GTF2A2: variants seen among roughly 807,000 people sequenced by gnomAD.
The protein encoded by GTF2A2 is transcription initiation factor IIA subunit 2.
A neutral mutation model predicts 14.3 loss-of-function variants in GTF2A2; 9 were observed. The ratio of observed to expected loss-of-function variants is 0.63; its 90% confidence interval spans 0.38 to 1.10. GTF2A2 has a LOEUF of 1.10. Ranked by LOEUF, GTF2A2 falls within the 50% of genes least tolerant of loss-of-function variation. The pLI, the probability that GTF2A2 is intolerant of heterozygous loss-of-function variation, is 0.01. For missense variants in GTF2A2, 90 were observed against 124.6 expected, an observed-to-expected ratio of 0.72 and a Z score of 1.32; for synonymous variants, 56 against 46.0, an observed-to-expected ratio of 1.22 and a Z score of -0.88.
intron 3 of GTF2A2, among the ~76,000 whole-genome samples, chr15:59,643,282 G>T (rs964218363): frequency 1.3e-5 from 2 of 151,532 alleles, no homozygotes; most frequent in Non-Finnish European, 2.9e-5. Flanking sequence ...GTTTCACCAC[G>T]TTAGCCAGGC....
chr15:59,645,804 G>A (rs373874715), intron 3 of GTF2A2, among the ~76,000 whole-genome samples: 16 of 152,118 alleles, frequency 1.1e-4, no homozygotes, highest in African/African-American at 3.1e-4. Flanking sequence ...GGGATGCTGA[G>A]GTGGGAGGGT....
At chr15:59,642,590 G>A (rs1891467219) in intron 3 of GTF2A2, among the ~76,000 whole-genome samples, 1 of 152,088 alleles carries the variant, frequency 6.6e-6, no homozygotes, top group Non-Finnish European at 1.5e-5. Flanking sequence ...TCAAATTATG[G>A]AAATATTTGT....
intron 3 of GTF2A2, among the ~76,000 whole-genome samples, chr15:59,648,948 AAAAC>A (rs1236825848): frequency 1.3e-5 from 2 of 152,116 alleles, no homozygotes; most frequent in African/African-American, 4.8e-5. Flanking sequence ...AACAAAAACA[AAAAC>A]AAACAAAAAA....
Position 59,642,032 on chromosome 15 carries a change from A to T in GTF2A2, c.304+104T>A, listed in dbSNP as rs1421423417. The T allele has an allele frequency of 3.3e-6, 3 of 920,702 alleles. No individual in the cohort carries two copies. The Admixed American group carries it at 7.8e-5, about 24-fold the overall frequency. 57.0% of individuals were successfully genotyped at this position (920,702 alleles called of 1,614,324 possible). On this transcript the variant is annotated intron_variant, in intron 4 of 4. Transcript: ENST00000396060. The stretch of plus-strand genomic sequence containing the variant: ...CTGGGCTTATCTGGGAATTGATCAT[A>T]GGGCCATTTTACCCGTTAGGCTTTT...
chr15:59,642,046 C>T (rs148247017), intron 4 of GTF2A2, 90 bp downstream of exon 4: 15 of 1,160,330 alleles, frequency 1.3e-5, no homozygotes, highest in Middle Eastern at 3.0e-4. Context: ...CCATTTTACC[C>T]GTTAGGCTTT....
chr15:59,656,574 C>T (rs1233177639), intron 1 of GTF2A2, among the ~76,000 whole-genome samples: 1 of 151,748 alleles, frequency 6.6e-6, no homozygotes, highest in South Asian at 2.1e-4. Flanking sequence ...GTACCTGGCA[C>T]ACAATAGGAG....
intron 4 of GTF2A2, among the ~76,000 whole-genome samples, chr15:59,640,713 T>C (rs2141955298): frequency 6.6e-6 from 1 of 152,106 alleles, no homozygotes; most frequent in East Asian, 1.9e-4. Context: ...TACAGACTAA[T>C]AAAAATAAAT....
At chr15:59,650,259 C>A (rs776854538) in intron 3 of GTF2A2, among the ~76,000 whole-genome samples, 1 of 152,146 alleles carries the variant, frequency 6.6e-6, no homozygotes, top group Non-Finnish European at 1.5e-5. Flanking sequence ...AGGGAGGCAA[C>A]ATGAAGTTTC....
chr15:59,652,019 G>C (rs1201739522), intron 2 of GTF2A2, 187 bp downstream of exon 2: 1 of 500,854 alleles, frequency 2.0e-6, no homozygotes, highest in Non-Finnish European at 3.5e-6. Context: ...ATTCAATCAT[G>C]TTTTGTGTCC....
chr15:59,639,495 C>T (rs897558400), intron 4 of GTF2A2, among the ~76,000 whole-genome samples: 3 of 142,060 alleles, frequency 2.1e-5, no homozygotes, highest in East Asian at 4.0e-4. Context: ...TGGAGTCTAG[C>T]TGTTGCCCAG....
intron 3 of GTF2A2, among the ~76,000 whole-genome samples, chr15:59,644,548 T>A (rs550160228): frequency 1.1e-4 from 16 of 152,282 alleles, no homozygotes; most frequent in Middle Eastern, 3.4e-3. Flanking sequence ...TGAGCTGAGT[T>A]TAGCAGGGAG....
In GTF2A2 at chr15:59,638,667, G is replaced by A. The variant is rs1292305950; in HGVS notation, c.*465C>T. ...TTTGGTTTTGTATTTTAAAAAGCAAGGGATTTTCTTAAAAAATTCCATCCA... is the reference window on the plus strand; with the variant it reads ...TTTGGTTTTGTATTTTAAAAAGCAAAGGATTTTCTTAAAAAATTCCATCCA... On this transcript the variant is annotated 3_prime_UTR_variant, in exon 5 of 5. Coordinates refer to ENST00000396060, the MANE Select transcript of GTF2A2 (RefSeq NM_004492.3). The A allele has an allele frequency of 6.6e-6, 1 of 152,342 alleles. No individual in the cohort carries two copies. Among genetic ancestry groups the A allele is most frequent in the African/African-American group, 2.4e-5 (1 of 41,414 alleles). 9.4% of individuals were successfully genotyped at this position (152,342 alleles called of 1,614,324 possible). A position where few individuals can be genotyped will look rare whatever the true frequency, so the allele number is the denominator to read the frequency against.
chr15:59,646,782 G>A (rs1262376825), intron 3 of GTF2A2, among the ~76,000 whole-genome samples: 3 of 152,074 alleles, frequency 2.0e-5, no homozygotes, highest in Admixed American at 6.6e-5. Context: ...CATTAGCTAC[G>A]TAACTTCTGA....
At chr15:59,640,415 G>T (rs1408238283) in intron 4 of GTF2A2, among the ~76,000 whole-genome samples, 1 of 152,084 alleles carries the variant, frequency 6.6e-6, no homozygotes, top group African/African-American at 2.4e-5. Context: ...TGGTTCAAAT[G>T]TATGGTTCAA....
intron 3 of GTF2A2, among the ~76,000 whole-genome samples, chr15:59,643,087 T>G (rs1342299088): frequency 7.0e-6 from 1 of 142,632 alleles, no homozygotes; most frequent in Non-Finnish European, 1.5e-5. Context: ...TTTTTTTTTT[T>G]TTTTTTTTTT....
At position 59,650,255 on chromosome 15, in the gene GTF2A2, G is replaced by A. The variant is rs182519997; in HGVS notation, c.177+414C>T. The stretch of plus-strand genomic sequence containing the variant: ...CAAGTTACCTAAGAGTCGGAGGGAG[G>A]CAACATGAAGTTTCTAGAAATAACT... On this transcript the variant is annotated intron_variant, in intron 3 of 4. Transcript: ENST00000396060. 6.6e-5 allele frequency among the ~76,000 whole-genome samples: 10 copies of A among 152,290 alleles called. No homozygotes were observed. The East Asian group carries it at 1.2e-3, about 18-fold the overall frequency.
intron 1 of GTF2A2, among the ~76,000 whole-genome samples, chr15:59,656,624 G>GT (rs1259542146): frequency 2.6e-5 from 4 of 152,100 alleles, no homozygotes; most frequent in Non-Finnish European, 4.4e-5. Flanking sequence ...GCAAATATCA[G>GT]TAAGTATAAT....
At chr15:59,650,811 G>GA (rs2141965217) in intron 2 of GTF2A2, 38 bp from the exon 3 acceptor site, 1 of 1,028,142 alleles carries the variant, frequency 9.7e-7, no homozygotes, top group Non-Finnish European at 1.5e-6. Context: ...CGTTAAGGAA[G>GA]AACATTAAAG....
At position 59,638,127 on chromosome 15, in the gene GTF2A2, C is replaced by T. The variant is rs1336136519; in HGVS notation, c.*1005G>A. On this transcript the variant is annotated 3_prime_UTR_variant, in exon 5 of 5. Coordinates refer to ENST00000396060, the MANE Select transcript of GTF2A2 (RefSeq NM_004492.3). Reference sequence around the variant, plus strand: ...CTATATTGGCCAGGCTGGTCTCCAACTCCTGGACTCAAGTAATCCTCCAGT... The same window carrying T: ...CTATATTGGCCAGGCTGGTCTCCAATTCCTGGACTCAAGTAATCCTCCAGT... 1 of 152,132 alleles carries T rather than the reference C, an allele frequency of 6.6e-6. No individual in the cohort carries two copies. The highest frequency in any genetic ancestry group is 1.5e-5 in the Non-Finnish European group (1 of 68,042). The allele number at this position is 152,132 out of a possible 1,614,324, so 9.4% of individuals were successfully genotyped here.
Sources: allele counts gnomAD v4.1 joint callset (sites outside exome capture counted in the v4.1 genomes callset), GRCh38; gene constraint gnomAD v4.1.1; transcripts MANE v1.5; gene names NCBI Gene and HGNC (gene_info 2026-07-23, HGNC 2026-07-21).